The following INVS variants were observed in gnomAD, a reference collection of about 807,000 sequenced individuals.
INVS encodes inversin.
In INVS, 86 loss-of-function variants were observed where a neutral mutation model predicts 108.8. That is an observed-to-expected ratio of 0.79 (90% CI 0.66 to 0.95). The LOEUF is 0.95. INVS is among the 40% of genes least tolerant of loss of function. The pLI is 0.00. For missense variants in INVS, 1,169 were observed against 1,297.4 expected (o/e 0.90, Z 1.52); for synonymous variants, 455 against 473.5 (o/e 0.96, Z 0.51).
At chr9:100,249,083 A>G (rs1832139337) in intron 8 of INVS, among the ~76,000 whole-genome samples, 2 of 152,178 alleles carry the variant, frequency 1.3e-5, no homozygotes, top group East Asian at 1.9e-4. Context: ...TTTGAAGAGC[A>G]TAAGAACCCT....
chr9:100,150,176 C>G (rs544684188), intron 3 of INVS, among the ~76,000 whole-genome samples: 6 of 152,234 alleles, frequency 3.9e-5, no homozygotes, highest in African/African-American at 1.4e-4. Flanking sequence ...TTTATCATAC[C>G]TCTCAAACAT....
Position 100,264,944 on chromosome 9 carries a change from C to CTTTTTTTTT in INVS, c.1571+24_1571+32dup. On this transcript the variant is annotated intron_variant, in intron 11 of 16. Coordinates refer to ENST00000262457, the MANE Select transcript of INVS (RefSeq NM_014425.5). Reference sequence around the variant, plus strand: ...ATGAAGAGAGGTAAGTTGTTGTTGACTTTTTTTTTTTTTTTTGAGATGGCT... The same window carrying CTTTTTTTTT: ...ATGAAGAGAGGTAAGTTGTTGTTGACTTTTTTTTTTTTTTTTTTTTTTTTTGAGATGGCT... The CTTTTTTTTT allele has an allele frequency of 3.2e-6, 4 of 1,241,804 alleles. No individual in the cohort carries two copies. Among genetic ancestry groups the CTTTTTTTTT allele is most frequent in the South Asian group, 1.3e-5 (1 of 76,322 alleles). The allele number at this position is 1,241,804 out of a possible 1,614,324, so 76.9% of individuals were successfully genotyped here.
rs1831171425 is a variant in INVS at position 100,222,117 on chromosome 9, T to A, written c.274-3945T>A. Among the ~76,000 whole-genome samples, 10 of 152,294 alleles carry A rather than the reference T, an allele frequency of 6.6e-5. No homozygotes were observed. The South Asian group carries it at 2.1e-3, about 32-fold the overall frequency. On this transcript the variant is annotated intron_variant, in intron 3 of 16. Coordinates refer to ENST00000262457, the MANE Select transcript of INVS (RefSeq NM_014425.5). Reference sequence around the variant, plus strand: ...ACTAGCTGAACTGTGTATATTACAATCAGATCTTTCTGTCTGCATGCCCTT... The same window carrying A: ...ACTAGCTGAACTGTGTATATTACAAACAGATCTTTCTGTCTGCATGCCCTT...
intron 10 of INVS, among the ~76,000 whole-genome samples, chr9:100,260,939 C>T (rs761543921): frequency 1.3e-5 from 2 of 152,072 alleles, no homozygotes; most frequent in African/African-American, 2.4e-5. Context: ...AGCAACCAAT[C>T]GTTTATTAAT....
At chr9:100,118,952 T>G (rs1164187389) in intron 2 of INVS, among the ~76,000 whole-genome samples, 1 of 152,264 alleles carries the variant, frequency 6.6e-6, no homozygotes. Context: ...TGAGCCACCA[T>G]GCCTGGTCTT....
At chr9:100,279,338 T>C (rs932250574) in intron 12 of INVS, among the ~76,000 whole-genome samples, 4 of 152,114 alleles carry the variant, frequency 2.6e-5, no homozygotes, top group African/African-American at 4.8e-5. Flanking sequence ...AAGGCCAAGC[T>C]ACCTACCATT....
intron 3 of INVS, among the ~76,000 whole-genome samples, chr9:100,225,411 A>G (rs1412131948): frequency 6.6e-6 from 1 of 152,204 alleles, no homozygotes; most frequent in African/African-American, 2.4e-5. Flanking sequence ...GCTTTCTTTA[A>G]GAAAACTAAT....
intron 2 of INVS, among the ~76,000 whole-genome samples, chr9:100,109,867 A>G (rs1827288718): frequency 6.6e-6 from 1 of 152,182 alleles, no homozygotes; most frequent in Non-Finnish European, 1.5e-5. Context: ...GGGTTTCTCC[A>G]TGTTGGTCAG....
intron 13 of INVS, among the ~76,000 whole-genome samples, chr9:100,290,554 A>C (rs1403870892): frequency 2.0e-5 from 3 of 151,782 alleles, no homozygotes; most frequent in Admixed American, 2.0e-4. Context: ...GTTTCTCCAC[A>C]TCGGTCAGGC....
chr9:100,214,404 C>A lies in INVS; in HGVS notation c.274-11658C>A, dbSNP rs761732116. 1.1e-4 allele frequency among the ~76,000 whole-genome samples: 17 copies of A among 152,310 alleles called. 1 individual carries two copies. Among genetic ancestry groups the A allele is most frequent in the Non-Finnish European group, 2.1e-4 (14 of 68,026 alleles). ...ACCATGGCCTACTCTTTCCTACATA[C>A]AAACATGTAGCCTAAAGAGGCTGAA... is the stretch of plus-strand genomic sequence containing the variant. On this transcript the variant is annotated intron_variant, in intron 3 of 16. Coordinates refer to ENST00000262457, the MANE Select transcript of INVS (RefSeq NM_014425.5).
At chr9:100,148,806 T>A (rs1210444802) in intron 3 of INVS, among the ~76,000 whole-genome samples, 1 of 152,214 alleles carries the variant, frequency 6.6e-6, no homozygotes, top group Non-Finnish European at 1.5e-5. Flanking sequence ...AACCAACACA[T>A]GTACATTCCA....
chr9:100,157,613 TTTAAA>T (rs1829041783), intron 3 of INVS, among the ~76,000 whole-genome samples: 1 of 152,186 alleles, frequency 6.6e-6, no homozygotes, highest in Non-Finnish European at 1.5e-5. Flanking sequence ...AAACTCATAG[TTTAAA>T]TTATAGGAAA....
At chr9:100,281,849 T>C (rs1269336359) in intron 12 of INVS, among the ~76,000 whole-genome samples, 1 of 152,060 alleles carries the variant, frequency 6.6e-6, no homozygotes, top group African/African-American at 2.4e-5. Context: ...GCTGCCTTTG[T>C]TGAAGGCCCA....
At chr9:100,169,382 T>A (rs1440035771) in intron 3 of INVS, among the ~76,000 whole-genome samples, 2 of 152,110 alleles carry the variant, frequency 1.3e-5, no homozygotes, top group Admixed American at 6.6e-5. Flanking sequence ...TCATTTGGAG[T>A]ATGAATGGAG....
intron 3 of INVS, among the ~76,000 whole-genome samples, chr9:100,189,529 C>A (rs1830159909): frequency 6.6e-6 from 1 of 151,648 alleles, no homozygotes; most frequent in African/African-American, 2.4e-5. Context: ...ATTTTCATTA[C>A]TTGTATAATT....
At chr9:100,190,590 GA>G (rs532195381) in intron 3 of INVS, among the ~76,000 whole-genome samples, 3 of 151,834 alleles carry the variant, frequency 2.0e-5, no homozygotes, top group Non-Finnish European at 4.4e-5. Context: ...TTGCTCATCC[GA>G]AAAAAAACTT....
chr9:100,178,684 C>T (rs1167008031), intron 3 of INVS, among the ~76,000 whole-genome samples: 4 of 152,118 alleles, frequency 2.6e-5, no homozygotes, highest in East Asian at 1.9e-4. Flanking sequence ...CTGAAAGTGA[C>T]GGGGAGAATG....
chr9:100,197,526 C>T (rs1206036819), intron 3 of INVS, among the ~76,000 whole-genome samples: 1 of 152,188 alleles, frequency 6.6e-6, no homozygotes, highest in Admixed American at 6.5e-5. Context: ...ACCCTCCCAG[C>T]ATATGGATGA....
At chr9:100,291,260 C>T (rs1833605281) in intron 13 of INVS, among the ~76,000 whole-genome samples, 1 of 152,046 alleles carries the variant, frequency 6.6e-6, no homozygotes, top group South Asian at 2.1e-4. Flanking sequence ...GACGAGATTT[C>T]ACCATGGTGG....
Sources: gnomAD v4.1 joint callset for allele counts (sites outside exome capture counted in the v4.1 genomes callset) on GRCh38, gnomAD v4.1.1 for gene constraint, MANE v1.5 for transcripts, NCBI Gene and HGNC (gene_info 2026-07-23, HGNC 2026-07-21) for gene names.